Variants in PEX16 observed in about 807,000 individuals in gnomAD.
PEX16 encodes peroxisomal biogenesis factor 16.
Under a neutral mutation model 50.5 loss-of-function variants are expected in PEX16, and 37 were observed. That is an observed-to-expected ratio of 0.73 (90% CI 0.56 to 0.96). The LOEUF (loss-of-function observed/expected upper bound fraction) is 0.96, where lower values mean the gene tolerates loss of function less well. Among genes scored for constraint, PEX16 ranks in the 40% least tolerant of loss-of-function variants. PEX16 has a pLI of 0.00. For synonymous variants in PEX16, 185 were observed against 190.3 expected, an observed-to-expected ratio of 0.97 and a Z score of 0.23; for missense variants, 401 against 438.3, an observed-to-expected ratio of 0.91 and a Z score of 0.76.
In PEX16 at chr11:45,914,356, G is replaced by A. The variant is rs372347595; in HGVS notation, c.654C>T (p.Thr218=). Reference sequence around the variant, plus strand: ...GGGCAATGTACAAAAACTCTGCGATGGTCTCCTGCAGCCCCAGGGGGGTGG... The same window carrying A: ...GGGCAATGTACAAAAACTCTGCGATAGTCTCCTGCAGCCCCAGGGGGGTGG... ...ATPTPLGLQE[T]IAEFLYIARP... Residue 218 remains threonine (T), a synonymous_variant, in exon 7 of 11, where the codon ACC becomes ACT. Transcript: ENST00000378750. 1 of 1,611,856 alleles carries A rather than the reference G, an allele frequency of 6.2e-7. No individual in the cohort carries two copies. Among genetic ancestry groups the A allele is most frequent in the Non-Finnish European group, 8.5e-7 (1 of 1,180,024 alleles).
upstream of PEX16, chr11:45,918,048 C>T: frequency 1.7e-6 from 1 of 594,084 alleles, no homozygotes; most frequent in Non-Finnish European, 3.0e-6. Context: ...CCCCCTACTC[C>T]CTCAAGTCAT....
rs757071504 is a variant in PEX16, at chr11:45,914,192, C to G, written c.706G>C (p.Gly236Arg). The G allele has an allele frequency of 3.7e-6, 6 of 1,613,044 alleles. No homozygotes were observed. Among genetic ancestry groups the G allele is most frequent in the Non-Finnish European group, 5.1e-6 (6 of 1,179,664 alleles). Residue 236 changes from glycine to arginine, a missense_variant, in exon 8 of 11, where the codon GGC becomes CGC. By Grantham distance (125) the Gly-to-Arg change is moderately radical (BLOSUM62 -2). Coordinates refer to ENST00000378750, the MANE Select transcript of PEX16 (RefSeq NM_004813.4). Reference protein sequence around the residue: ...ARPLLHLLSLGLWGQRSWKPW... With the variant: ...ARPLLHLLSLRLWGQRSWKPW... Reference sequence around the variant, plus strand: ...TTCCACGACCTCTGACCCCACAGGCCCAGGCTGAGCACTGACGGCCAAGGC... The same window carrying G: ...TTCCACGACCTCTGACCCCACAGGCGCAGGCTGAGCACTGACGGCCAAGGC...
Position 45,913,943 on chromosome 11 carries a change from G to T in PEX16, c.768-5C>A. The T allele has an allele frequency of 7.4e-6, 12 of 1,612,044 alleles. No individual in the cohort carries two copies. The highest frequency in any genetic ancestry group is 1.1e-5 in the South Asian group (1 of 91,082). On this transcript the variant is annotated splice_region_variant and splice_polypyrimidine_tract_variant and intron_variant, in intron 8 of 10. Transcript: ENST00000378750. ...CTGTCACTCAGGAGGCTCAGGCTGG[G>T]AGGCAGGGAGGACATGGTCAGGGCC...
chr11:45,917,243 G>C (rs2086846666), intron 2 of PEX16: 1 of 689,846 alleles, frequency 1.4e-6, no homozygotes, highest in Non-Finnish European at 2.6e-6. Flanking sequence ...CTGGCCAGTA[G>C]TGAATACTCA....
At chr11:45,914,742 G>A (rs1393756402) in intron 5 of PEX16, 58 bp from the exon 6 acceptor site, 3 of 1,424,674 alleles carry the variant, frequency 2.1e-6, no homozygotes, top group East Asian at 2.3e-5. Context: ...AGCGGAGCCT[G>A]CAAAGAACGT....
intron 9 of PEX16, 36 bp from the exon 10 acceptor site, chr11:45,910,998 G>A (rs1436162503): frequency 6.8e-7 from 1 of 1,470,050 alleles, no homozygotes; most frequent in Non-Finnish European, 9.5e-7. Context: ...AAGCTGAGTG[G>A]GGTGGGGGTG....
upstream of PEX16, chr11:45,918,541 G>A (rs756037046): frequency 1.1e-4 from 17 of 152,398 alleles, no homozygotes; most frequent in Admixed American, 2.0e-4. Context: ...GCTCGCGCCT[G>A]CATTCCCACA....
At chr11:45,911,826 C>G (rs1056547005) in intron 9 of PEX16, 1 of 150,700 alleles carries the variant, frequency 6.6e-6, no homozygotes, top group East Asian at 2.0e-4. Flanking sequence ...GAGTTCGAGA[C>G]GAGCCTGACC....
chr11:45,912,373 G>A lies in PEX16; in HGVS notation c.888-1411C>T, dbSNP rs554115783. On this transcript the variant is annotated intron_variant, in intron 9 of 10. Transcript: ENST00000378750. Reference sequence around the variant, plus strand: ...AAATTAGCCAGGCATGGTAATGGGCGCCTATAGTCCCAGCTACTCAGGAGT... The same window carrying A: ...AAATTAGCCAGGCATGGTAATGGGCACCTATAGTCCCAGCTACTCAGGAGT... 2.6e-5 allele frequency among the ~76,000 whole-genome samples: 4 copies of A among 151,444 alleles called. No individual in the cohort carries two copies. In the East Asian group the frequency reaches 6.1e-4, roughly 23 times the overall value.
chr11:45,913,997 G>C, intron 8 of PEX16, 59 bp from the exon 9 acceptor site: 1 of 1,606,712 alleles, frequency 6.2e-7, no homozygotes, highest in East Asian at 2.2e-5. Context: ...CACGGAAGGG[G>C]AGGAGCCATG....
intron 10 of PEX16, 102 bp downstream of exon 10, chr11:45,910,796 C>T: frequency 8.8e-7 from 1 of 1,139,894 alleles, no homozygotes; most frequent in Non-Finnish European, 1.3e-6. Context: ...CCTCTCCTGA[C>T]TGTGCCAAGA....
In PEX16 at chr11:45,917,747, G is replaced by T. The variant is rs1347076898; in HGVS notation, c.65C>A (p.Thr22Lys). 6.4e-7 allele frequency: 1 copy of T among 1,558,150 alleles called. No homozygotes were observed. The change falls in exon 1 of 11, where the codon ACG (threonine) becomes AAG (lysine). Residue 22 changes from threonine to lysine, a missense_variant. Physicochemically the swap from Thr to Lys is moderately conservative, Grantham distance 78 (BLOSUM62 -1). Transcript: ENST00000378750. ...CCGCACTGCTGTCTCCAGCTGGGCC[G>T]TGGCGGCCGGGTGACGAGTCACGTA... The part of the protein sequence containing the change: ...QEYVTRHPAA[T>K]AQLETAVRGF...
rs2086755261 is a variant in PEX16, at chr11:45,909,756, T to G, written c.*498A>C. 1 of 416,758 alleles carries G rather than the reference T, an allele frequency of 2.4e-6. No homozygotes were observed. Among genetic ancestry groups the G allele is most frequent in the Non-Finnish European group, 4.5e-6 (1 of 224,406 alleles). 25.8% of individuals were successfully genotyped at this position (416,758 alleles called of 1,614,324 possible). On this transcript the variant is annotated 3_prime_UTR_variant, in exon 11 of 11. Coordinates refer to ENST00000378750, the MANE Select transcript of PEX16 (RefSeq NM_004813.4). ...GAGCCAGGCTCACTGTTCACCAGGCTCTGTCACAGGGAGGCTGGCAACGCC... is the reference window on the plus strand; with the variant it reads ...GAGCCAGGCTCACTGTTCACCAGGCGCTGTCACAGGGAGGCTGGCAACGCC...
intron 8 of PEX16, 87 bp downstream of exon 8, chr11:45,914,044 G>C: frequency 6.4e-7 from 1 of 1,571,010 alleles, no homozygotes. Flanking sequence ...AGGAGGAGCA[G>C]GGGCCGCTGC....
chr11:45,915,371 C>T, intron 5 of PEX16, 97 bp downstream of exon 5: 4 of 891,182 alleles, frequency 4.5e-6, no homozygotes, highest in Non-Finnish European at 7.6e-6. Context: ...CAGGCGTGCT[C>T]CATAAACAGA....
chr11:45,913,465 T>C (rs545146722), intron 9 of PEX16, among the ~76,000 whole-genome samples: 1 of 152,246 alleles, frequency 6.6e-6, no homozygotes, highest in Non-Finnish European at 1.5e-5. Context: ...CTCCAGGTCC[T>C]CCTCTGAGAA....
Position 45,910,259 on chromosome 11 carries a change from C to G in PEX16, c.1006G>C (p.Gly336Arg), listed in dbSNP as rs767383372. Residue 336 changes from glycine (G) to arginine (R), a missense_variant, in exon 11 of 11, where the codon GGC (glycine) becomes CGC (arginine). Physicochemically the swap from Gly to Arg is moderately radical, Grantham distance 125 (BLOSUM62 -2). Coordinates refer to ENST00000378750, the MANE Select transcript of PEX16 (RefSeq NM_004813.4). ...CCCTCCTTCCGGGAGGTCTGTCAGCCCCAACTGTAGAAGTAGATTTTCTGC... is the reference window on the plus strand; with the variant it reads ...CCCTCCTTCCGGGAGGTCTGTCAGCGCCAACTGTAGAAGTAGATTTTCTGC... ...TWQKIYFYSW[G>R] 8.7e-6 allele frequency: 14 copies of G among 1,613,870 alleles called. No individual in the cohort carries two copies. The Admixed American group carries it at 2.3e-4, about 27-fold the overall frequency.
At chr11:45,916,125 G>A in intron 3 of PEX16, 102 bp downstream of exon 3, 2 of 903,442 alleles carry the variant, frequency 2.2e-6, no homozygotes, top group South Asian at 2.6e-5. Context: ...ACATAGGCCT[G>A]TCTCATACTC....
intron 2 of PEX16, chr11:45,917,159 G>A (rs749000816): frequency 2.5e-5 from 17 of 676,916 alleles, no homozygotes; most frequent in African/African-American, 2.5e-4. Context: ...GGACAGTGAT[G>A]ACAATAAGTA....
Sources: gnomAD v4.1 joint callset for allele counts (sites outside exome capture counted in the v4.1 genomes callset) on GRCh38, gnomAD v4.1.1 for gene constraint, MANE v1.5 for transcripts, NCBI Gene and HGNC (gene_info 2026-07-23, HGNC 2026-07-21) for gene names.